The following RTTN variants were observed in gnomAD, a reference collection of about 807,000 sequenced individuals.
RTTN encodes rotatin.
In RTTN, 182 loss-of-function variants were observed where a neutral mutation model predicts 269.2. That is an observed-to-expected ratio of 0.68 (90% CI 0.60 to 0.76). RTTN has a LOEUF of 0.76. RTTN is among the 30% of genes least tolerant of loss of function. The pLI, the probability that RTTN is intolerant of heterozygous loss-of-function variation, is 0.00. For missense variants in RTTN, 2,545 were observed against 2,608.6 expected (o/e 0.98, Z 0.53); for synonymous variants, 1,006 against 963.5 (o/e 1.04, Z -0.82).
At chr18:70,150,499 G>A (rs2060508354) in intron 15 of RTTN, 109 bp downstream of exon 15, 11 of 987,754 alleles carry the variant, frequency 1.1e-5, no homozygotes, top group Non-Finnish European at 3.1e-6. Context: ...CCAAAGACAG[G>A]TTTCTTTTTA....
chr18:70,103,775 A>AG (rs2059243762), intron 28 of RTTN, among the ~76,000 whole-genome samples: 1 of 150,990 alleles, frequency 6.6e-6, no homozygotes, highest in Admixed American at 6.6e-5. Flanking sequence ...AAAAAAAAAA[A>AG]AAAGCAAATC....
At chr18:70,058,294 A>T (rs952502267) in intron 36 of RTTN, among the ~76,000 whole-genome samples, 1 of 152,200 alleles carries the variant, frequency 6.6e-6, no homozygotes, top group African/African-American at 2.4e-5. Flanking sequence ...AGGTGGGTGG[A>T]TCACCTGGGG....
intron 39 of RTTN, among the ~76,000 whole-genome samples, chr18:70,050,316 A>G (rs978197540): frequency 6.6e-6 from 1 of 152,032 alleles, no homozygotes; most frequent in African/African-American, 2.4e-5. Context: ...GACAAACATG[A>G]AAAAAAACCC....
intron 31 of RTTN, among the ~76,000 whole-genome samples, chr18:70,087,021 A>T (rs2058719680): frequency 6.6e-6 from 1 of 152,148 alleles, no homozygotes; most frequent in Non-Finnish European, 1.5e-5. Context: ...TAAGAAATAT[A>T]ATTTTAGGTT....
intron 10 of RTTN, among the ~76,000 whole-genome samples, chr18:70,180,025 T>C (rs2061386284): frequency 6.6e-6 from 1 of 152,176 alleles, no homozygotes; most frequent in Non-Finnish European, 1.5e-5. Flanking sequence ...TAGGTGCTTG[T>C]GTTCCATCTA....
chr18:70,096,084 G>A (rs185171862), intron 28 of RTTN, among the ~76,000 whole-genome samples: 21 of 149,558 alleles, frequency 1.4e-4, no homozygotes, highest in South Asian at 4.3e-4. Flanking sequence ...CTGATTCATC[G>A]ATTCGGCTAT....
intron 16 of RTTN, 115 bp from the exon 17 acceptor site, chr18:70,149,152 T>C (rs1210899423): frequency 2.6e-5 from 22 of 832,268 alleles, no homozygotes; most frequent in Middle Eastern, 3.4e-4. Flanking sequence ...TTGGATTCAG[T>C]TGAATAAAAT....
At chr18:70,180,872 A>G (rs771834690) in intron 10 of RTTN, among the ~76,000 whole-genome samples, 6 of 152,208 alleles carry the variant, frequency 3.9e-5, no homozygotes, top group South Asian at 2.1e-4. Flanking sequence ...GTCATATTAA[A>G]AGTATCTATC....
intron 10 of RTTN, among the ~76,000 whole-genome samples, chr18:70,184,733 T>TGG (rs2061504257): frequency 1.1e-5 from 1 of 94,982 alleles, no homozygotes; most frequent in Non-Finnish European, 2.1e-5. Context: ...TGTGTGTGTG[T>TGG]GTGTGTGTGT....
chr18:70,005,998 C>CT (rs1215583701), intron 47 of RTTN: 2 of 165,786 alleles, frequency 1.2e-5, no homozygotes, highest in African/African-American at 4.8e-5. Flanking sequence ...AAGAACTGAG[C>CT]TAGATAAAGG....
intron 32 of RTTN, among the ~76,000 whole-genome samples, chr18:70,077,181 T>A (rs1012676077): frequency 6.6e-6 from 1 of 151,918 alleles, no homozygotes; most frequent in Admixed American, 6.6e-5. Flanking sequence ...TCAAAATATA[T>A]TTTATAATGA....
intron 38 of RTTN, chr18:70,053,612 A>C (rs1402012934): frequency 6.6e-6 from 1 of 152,260 alleles, no homozygotes; most frequent in African/African-American, 2.4e-5. Context: ...TTTCATTTTC[A>C]AAACAATTAT....
Position 70,111,605 on chromosome 18 carries a change from A to G in RTTN, c.3684-1888T>C, listed in dbSNP as rs549060445. On this transcript the variant is annotated intron_variant, in intron 27 of 48. Transcript: ENST00000640769. ...AAAATGTGAAGACAAGATTAGAGAA[A>G]AAAGAATAAAAAGGAACAAACAAAG... 2.0e-5 allele frequency among the ~76,000 whole-genome samples: 3 copies of G among 152,372 alleles called. No homozygotes were observed. The South Asian group carries it at 6.2e-4, about 32-fold the overall frequency.
chr18:70,082,304 A>T (rs924959324), intron 32 of RTTN, among the ~76,000 whole-genome samples: 1 of 152,188 alleles, frequency 6.6e-6, no homozygotes, highest in African/African-American at 2.4e-5. Flanking sequence ...TGATTATAAC[A>T]ATGTTTCCTG....
intron 14 of RTTN, among the ~76,000 whole-genome samples, chr18:70,153,033 G>A (rs547984123): frequency 1.3e-5 from 2 of 152,054 alleles, no homozygotes; most frequent in African/African-American, 4.8e-5. Flanking sequence ...CGTGAAACAC[G>A]CAAAGTACAT....
chr18:70,081,537 G>T (rs2058568661), intron 32 of RTTN, among the ~76,000 whole-genome samples: 1 of 152,208 alleles, frequency 6.6e-6, no homozygotes, highest in African/African-American at 2.4e-5. Context: ...GTTGCACTGA[G>T]AACCCATCAC....
In RTTN at chr18:70,004,029, G is replaced by C; in HGVS notation, c.*122C>G. The C allele has an allele frequency of 1.5e-6, 1 of 657,638 alleles. No individual in the cohort carries two copies. Among genetic ancestry groups the C allele is most frequent in the Non-Finnish European group, 2.7e-6 (1 of 373,368 alleles). 40.7% of individuals were successfully genotyped at this position (657,638 alleles called of 1,614,324 possible). On this transcript the variant is annotated 3_prime_UTR_variant, in exon 49 of 49. Transcript: ENST00000640769. ...CAGTTCTCTCTCTCATGGGAAAGAAGGGGATCAACACTTTGTAGAGAGGTA... is the reference window on the plus strand; with the variant it reads ...CAGTTCTCTCTCTCATGGGAAAGAACGGGATCAACACTTTGTAGAGAGGTA...
chr18:70,122,101 G>A (rs1002308289), intron 25 of RTTN, among the ~76,000 whole-genome samples: 2 of 151,848 alleles, frequency 1.3e-5, no homozygotes, highest in South Asian at 2.1e-4. Context: ...TGACCAACTC[G>A]AAAAAATAAG....
rs1242753498 is a variant in RTTN at position 70,121,549 on chromosome 18, C to CACTT, written c.3528+3_3528+6dup. On this transcript the variant is annotated splice_region_variant and intron_variant, in intron 26 of 48. Transcript: ENST00000640769. ...ACTTAAAATCCAAATTCCTTAACAC[C>CACTT]ACTTACATGTCTAAGAAGTAATTCG... 6.5e-7 allele frequency: 1 copy of CACTT among 1,549,672 alleles called. No individual in the cohort carries two copies. Among genetic ancestry groups the CACTT allele is most frequent in the East Asian group, 2.3e-5 (1 of 43,366 alleles).
Sources: gnomAD v4.1 joint callset for allele counts (sites outside exome capture counted in the v4.1 genomes callset) on GRCh38, gnomAD v4.1.1 for gene constraint, MANE v1.5 for transcripts, NCBI Gene and HGNC (gene_info 2026-07-23, HGNC 2026-07-21) for gene names.